NCKAP5: variants seen among roughly 807,000 people sequenced by gnomAD.
NCKAP5 encodes the protein NCK associated protein 5.
In NCKAP5, 92 loss-of-function variants were observed where a neutral mutation model predicts 167.0. The observed-to-expected ratio is 0.55, with a 90% confidence interval of 0.47 to 0.66. The LOEUF is 0.66. Among genes scored for constraint, NCKAP5 ranks in the 30% least tolerant of loss-of-function variants. The pLI, the probability that NCKAP5 is intolerant of heterozygous loss-of-function variation, is 0.00. For missense variants in NCKAP5, 2,378 were observed against 2,315.0 expected, an observed-to-expected ratio of 1.03 and a Z score of -0.56; for synonymous variants, 891 against 877.4, an observed-to-expected ratio of 1.02 and a Z score of -0.27.
intron 15 of NCKAP5, among the ~76,000 whole-genome samples, chr2:132,776,875 G>C (rs1167264966): frequency 1.3e-5 from 2 of 152,116 alleles, no homozygotes; most frequent in African/African-American, 4.8e-5. Context: ...AGGGCTGCCA[G>C]GTCAAGCATT....
At chr2:132,896,510 G>A (rs940969150) in intron 8 of NCKAP5, among the ~76,000 whole-genome samples, 9 of 152,126 alleles carry the variant, frequency 5.9e-5, no homozygotes, top group Admixed American at 3.9e-4. Context: ...AAGGGTTGAG[G>A]GGAACTGAAA....
chr2:133,649,635 A>G, the NCKAP5 span, among the ~76,000 whole-genome samples: 1 of 152,196 alleles, frequency 6.6e-6, no homozygotes, highest in African/African-American at 2.4e-5. Flanking sequence ...AAAGGATTAA[A>G]ATCATATAAT....
In NCKAP5 at chr2:132,784,746, C is replaced by T; in HGVS notation, c.2065G>A (p.Val689Ile). Reference sequence around the variant, plus strand: ...GAAATCTCATTTCTGGTAACAGTGACAACCCCAGTCTGGTGAGAGCTGAAT... The same window carrying T: ...GAAATCTCATTTCTGGTAACAGTGATAACCCCAGTCTGGTGAGAGCTGAAT... ...IEFSSHQTGV[V>I]TVTRNEISIN... Residue 689 changes from valine (V) to isoleucine (I), a missense_variant, in exon 14 of 20, where the codon GTC becomes ATC. Around this residue, in one of 3 missense-constraint regions of NCKAP5, gnomAD observed 1,049 missense variants for 1,023.4 expected, o/e 1.02. Transcript: ENST00000409261. 1 of 1,613,890 alleles carries T rather than the reference C, an allele frequency of 6.2e-7. No individual in the cohort carries two copies. Among genetic ancestry groups the T allele is most frequent in the Non-Finnish European group, 8.5e-7 (1 of 1,179,806 alleles).
chr2:132,995,993 A>G (rs1232547236), intron 6 of NCKAP5, among the ~76,000 whole-genome samples: 2 of 152,148 alleles, frequency 1.3e-5, no homozygotes, highest in Non-Finnish European at 2.9e-5. Context: ...AATTTTTTTT[A>G]CATTATTTTA....
chr2:133,477,435 C>T (rs1286956098), intron 3 of NCKAP5, among the ~76,000 whole-genome samples: 1 of 152,162 alleles, frequency 6.6e-6, no homozygotes, highest in Non-Finnish European at 1.5e-5. Context: ...TGGTGCCCTG[C>T]CCATGACTTA....
At chr2:133,063,732 T>A (rs933920086) in intron 6 of NCKAP5, among the ~76,000 whole-genome samples, 12 of 152,366 alleles carry the variant, frequency 7.9e-5, no homozygotes, top group Admixed American at 4.6e-4. Flanking sequence ...GTCATTGCTC[T>A]CTTCATATCC....
intron 11 of NCKAP5, among the ~76,000 whole-genome samples, chr2:132,821,416 T>G (rs1213051370): frequency 6.6e-6 from 1 of 152,218 alleles, no homozygotes; most frequent in African/African-American, 2.4e-5. Flanking sequence ...AAGCCATCCC[T>G]GATTATACCT....
chr2:133,351,142 T>C (rs1350627207), intron 3 of NCKAP5, among the ~76,000 whole-genome samples: 1 of 152,132 alleles, frequency 6.6e-6, no homozygotes, highest in Non-Finnish European at 1.5e-5. Context: ...ACAATTACTT[T>C]ATAGTTATCG....
intron 7 of NCKAP5, among the ~76,000 whole-genome samples, chr2:132,988,124 A>C (rs554960822): frequency 1.4e-4 from 21 of 152,156 alleles, no homozygotes; most frequent in Non-Finnish European, 2.8e-4. Context: ...CAGCATTCTA[A>C]GAGCAAGAGG....
intron 6 of NCKAP5, among the ~76,000 whole-genome samples, chr2:133,046,834 G>T (rs1176677700): frequency 6.6e-6 from 1 of 152,096 alleles, no homozygotes; most frequent in Non-Finnish European, 1.5e-5. Context: ...TTAGCATAAG[G>T]GTTCTTCAGA....
chr2:133,123,558 GAA>G, intron 6 of NCKAP5: 1 of 246,054 alleles, frequency 4.1e-6, no homozygotes, highest in African/African-American at 2.2e-5. Flanking sequence ...CAATTTTTAT[GAA>G]AAGTCTCAGG....
intron 4 of NCKAP5, among the ~76,000 whole-genome samples, chr2:133,299,744 T>C (rs1377160741): frequency 2.6e-5 from 4 of 152,116 alleles, no homozygotes; most frequent in African/African-American, 9.7e-5. Flanking sequence ...AGAGCAAATC[T>C]CTGTCTCAGT....
chr2:133,355,524 C>T (rs1035299434), intron 3 of NCKAP5, among the ~76,000 whole-genome samples: 14 of 152,116 alleles, frequency 9.2e-5, no homozygotes, highest in Non-Finnish European at 1.5e-4. Context: ...ATAGATATAG[C>T]AGATTTTGGG....
At chr2:133,364,253 T>C (rs1461073748) in intron 3 of NCKAP5, among the ~76,000 whole-genome samples, 1 of 152,296 alleles carries the variant, frequency 6.6e-6, no homozygotes, top group Non-Finnish European at 1.5e-5. Flanking sequence ...AGACAATGGA[T>C]TTGCATTGAC....
Position 132,731,995 on chromosome 2 carries a change from C to T in NCKAP5, c.5185G>A (p.Asp1729Asn), listed in dbSNP as rs763969283. 5.0e-6 allele frequency: 8 copies of T among 1,613,610 alleles called. No individual in the cohort carries two copies. In the South Asian group the frequency reaches 5.5e-5, roughly 11 times the overall value. The change falls in exon 17 of 20, where the codon GAC (aspartate) becomes AAC (asparagine). Residue 1729 changes from aspartate (D) to asparagine (N), a missense_variant. Asp to Asn is a conservative substitution (Grantham distance 23). Coordinates refer to ENST00000409261, the MANE Select transcript of NCKAP5 (RefSeq NM_207363.3). ...CGTCCTGTCGAGCGATTTCCCGAGT[C>T]TGGGAGTGGAAAGGTTCCGATCCCA... ...DSGIGTFPLP[D>N]SGNRSTGRYL...
At chr2:132,767,528 G>A (rs905956252) in intron 16 of NCKAP5, among the ~76,000 whole-genome samples, 4 of 152,182 alleles carry the variant, frequency 2.6e-5, no homozygotes, top group Admixed American at 2.6e-4. Context: ...ACAGGCGTGA[G>A]CCACCGCGCC....
intron 6 of NCKAP5, among the ~76,000 whole-genome samples, chr2:133,066,437 T>C (rs2080198336): frequency 6.6e-6 from 1 of 152,244 alleles, no homozygotes; most frequent in African/African-American, 2.4e-5. Context: ...AGTTGGATTT[T>C]GCCAATTCAA....
rs58570765 is a variant in NCKAP5, at chr2:133,395,917, A to C, written c.70-92807T>G. Reference sequence around the variant, plus strand: ...TGCCTTGACCTCCTAAAGCACTGGGATTACAGGTGTGAGCCACTGCACCAG... The same window carrying C: ...TGCCTTGACCTCCTAAAGCACTGGGCTTACAGGTGTGAGCCACTGCACCAG... On this transcript the variant is annotated intron_variant, in intron 3 of 19. Coordinates refer to ENST00000409261, the MANE Select transcript of NCKAP5 (RefSeq NM_207363.3). Among the ~76,000 whole-genome samples the C allele has an allele frequency of 2.6e-3, 400 of 152,212 alleles. 3 individuals are homozygous for C. The highest frequency in any genetic ancestry group is 8.7e-3 in the African/African-American group (360 of 41,534).
chr2:133,623,470 C>T, the NCKAP5 span, among the ~76,000 whole-genome samples: 1 of 151,918 alleles, frequency 6.6e-6, no homozygotes, highest in African/African-American at 2.4e-5. Flanking sequence ...TCAAACAATC[C>T]CATCAAAAAC....
Sources: allele counts gnomAD v4.1 joint callset (sites outside exome capture counted in the v4.1 genomes callset), GRCh38; gene constraint gnomAD v4.1.1; regional missense constraint gnomAD v4.1.1; transcripts MANE v1.5; gene names NCBI Gene and HGNC (gene_info 2026-07-23, HGNC 2026-07-21).